The following ZNF385D variants were observed in gnomAD, a reference collection of about 807,000 sequenced individuals.
ZNF385D encodes the protein zinc finger protein 385D.
Under a neutral mutation model 35.8 loss-of-function variants are expected in ZNF385D, and 15 were observed. That is an observed-to-expected ratio of 0.42 (90% CI 0.28 to 0.64). The LOEUF (loss-of-function observed/expected upper bound fraction) is 0.64. Among genes scored for constraint, ZNF385D ranks in the 30% least tolerant of loss-of-function variants. The pLI is 0.23. For synonymous variants in ZNF385D, 212 were observed against 186.8 expected (o/e 1.13, Z -1.10); for missense variants, 474 against 494.6 (o/e 0.96, Z 0.39).
chr3:22,177,046 T>C (rs946396675), intron 2 of ZNF385D, among the ~76,000 whole-genome samples: 2 of 152,184 alleles, frequency 1.3e-5, no homozygotes, highest in Middle Eastern at 3.2e-3. Context: ...TGACCTACTG[T>C]TCCTATTTTA....
intron 3 of ZNF385D, among the ~76,000 whole-genome samples, chr3:21,846,737 G>C (rs988786321): frequency 2.0e-5 from 3 of 151,932 alleles, no homozygotes; most frequent in Non-Finnish European, 4.4e-5. Flanking sequence ...AGAGAGGATG[G>C]GAAAGGCTCA....
chr3:21,760,334 G>C (rs1201586373), intron 3 of ZNF385D, among the ~76,000 whole-genome samples: 1 of 152,156 alleles, frequency 6.6e-6, no homozygotes, highest in Non-Finnish European at 1.5e-5. Context: ...AATTCATCTT[G>C]CTGTCACTTC....
chr3:22,322,533 C>A (rs1694489137), intron 2 of ZNF385D, among the ~76,000 whole-genome samples: 1 of 152,166 alleles, frequency 6.6e-6, no homozygotes, highest in African/African-American at 2.4e-5. Context: ...TTTTACCAGT[C>A]TATCCCAATC....
At chr3:21,771,675 C>T (rs1169740128) in intron 3 of ZNF385D, among the ~76,000 whole-genome samples, 1 of 151,668 alleles carries the variant, frequency 6.6e-6, no homozygotes, top group East Asian at 2.0e-4. Context: ...TACATACAGC[C>T]AGGAAGAGCA....
chr3:21,744,294 T>C (rs1363074408), intron 1 of ZNF385D, among the ~76,000 whole-genome samples: 3 of 152,208 alleles, frequency 2.0e-5, no homozygotes, highest in African/African-American at 7.2e-5. Context: ...GGGATCATGT[T>C]TATTAAAGTA....
At chr3:21,773,855 C>G (rs946638455) in intron 3 of ZNF385D, among the ~76,000 whole-genome samples, 3 of 151,856 alleles carry the variant, frequency 2.0e-5, no homozygotes, top group Admixed American at 2.0e-4. Flanking sequence ...GTGGAAGATG[C>G]TGTGGCAATT....
intron 2 of ZNF385D, among the ~76,000 whole-genome samples, chr3:22,222,690 T>A (rs1475962159): frequency 6.6e-6 from 1 of 152,166 alleles, no homozygotes; most frequent in South Asian, 2.1e-4. Flanking sequence ...CCTTCCATAG[T>A]GTAAAAGCCA....
chr3:21,709,626 A>C (rs533383164), intron 1 of ZNF385D, among the ~76,000 whole-genome samples: 1 of 152,326 alleles, frequency 6.6e-6, no homozygotes, highest in Admixed American at 6.5e-5. Flanking sequence ...AAGGTTAAAT[A>C]AACTATAAGA....
intron 3 of ZNF385D, among the ~76,000 whole-genome samples, chr3:21,768,880 T>C (rs1188015298): frequency 6.6e-6 from 1 of 150,894 alleles, no homozygotes; most frequent in African/African-American, 2.4e-5. Context: ...TTTCTTCTTT[T>C]TGGAGTCAGA....
chr3:22,254,124 T>C (rs1330377386), intron 2 of ZNF385D, among the ~76,000 whole-genome samples: 1 of 151,892 alleles, frequency 6.6e-6, no homozygotes, highest in Non-Finnish European at 1.5e-5. Context: ...CCTTAATGTA[T>C]ACAGTTTCCT....
intron 1 of ZNF385D, among the ~76,000 whole-genome samples, chr3:21,737,833 G>A (rs1275716271): frequency 1.3e-5 from 2 of 152,212 alleles, no homozygotes; most frequent in African/African-American, 2.4e-5. Context: ...GAGCAAGAAA[G>A]AAGACTGTTG....
intron 3 of ZNF385D, among the ~76,000 whole-genome samples, chr3:22,035,220 G>A (rs557676316): frequency 6.6e-6 from 1 of 152,112 alleles, no homozygotes; most frequent in East Asian, 1.9e-4. Flanking sequence ...CAATACAACT[G>A]GTATGCTAAG....
At chr3:21,519,203 C>T (rs1390667718) in intron 3 of ZNF385D, among the ~76,000 whole-genome samples, 1 of 152,054 alleles carries the variant, frequency 6.6e-6, no homozygotes, top group Non-Finnish European at 1.5e-5. Flanking sequence ...AAGAAACATT[C>T]TAAATACACA....
At chr3:21,720,470 C>T (rs1200605500) in intron 1 of ZNF385D, among the ~76,000 whole-genome samples, 1 of 152,180 alleles carries the variant, frequency 6.6e-6, no homozygotes, top group Non-Finnish European at 1.5e-5. Context: ...GGGAAGATCA[C>T]TTGAGCTCAG....
rs2068254104 is a variant in ZNF385D, at chr3:21,714,929, C to A, written c.22+35966G>T. Reference sequence around the variant, plus strand: ...TAACAGATGAACGTATACATCATCTCACATAGTTACCCTCTGCCCGATGCC... The same window carrying A: ...TAACAGATGAACGTATACATCATCTAACATAGTTACCCTCTGCCCGATGCC... On this transcript the variant is annotated intron_variant, in intron 1 of 7. Coordinates refer to ENST00000281523, the MANE Select transcript of ZNF385D (RefSeq NM_024697.3). Among the ~76,000 whole-genome samples the A allele has an allele frequency of 1.2e-4, 18 of 152,260 alleles. No individual in the cohort carries two copies. The South Asian group carries it at 3.1e-3, about 26-fold the overall frequency.
At chr3:22,252,783 G>T (rs779433754) in intron 2 of ZNF385D, among the ~76,000 whole-genome samples, 18 of 152,050 alleles carry the variant, frequency 1.2e-4, no homozygotes, top group Non-Finnish European at 8.8e-5. Context: ...CATTAGGCAT[G>T]TTTGAATAAG....
chr3:21,958,273 G>A (rs1702392956), intron 3 of ZNF385D, among the ~76,000 whole-genome samples: 2 of 152,080 alleles, frequency 1.3e-5, no homozygotes, highest in Admixed American at 1.3e-4. Context: ...TTTGGAGTTA[G>A]GGACACTGGA....
intron 1 of ZNF385D, among the ~76,000 whole-genome samples, chr3:21,742,985 G>A (rs1031836181): frequency 3.9e-5 from 6 of 152,306 alleles, no homozygotes; most frequent in African/African-American, 1.4e-4. Flanking sequence ...CCAGTGCTAG[G>A]CACTTTTATG....
intron 2 of ZNF385D, among the ~76,000 whole-genome samples, chr3:22,280,717 C>G (rs949619247): frequency 6.6e-6 from 1 of 152,092 alleles, no homozygotes; most frequent in Admixed American, 6.5e-5. Context: ...CAGATTTGTT[C>G]TTCTTGCTTA....
Sources: gnomAD v4.1 joint callset for allele counts (sites outside exome capture counted in the v4.1 genomes callset) on GRCh38, gnomAD v4.1.1 for gene constraint, MANE v1.5 for transcripts, NCBI Gene and HGNC (gene_info 2026-07-23, HGNC 2026-07-21) for gene names.